Variants in ADARB2 observed in about 807,000 individuals in gnomAD.
ADARB2 encodes inactive double-stranded RNA-specific editase B2.
Under a neutral mutation model 62.2 loss-of-function variants are expected in ADARB2, and 25 were observed. The observed-to-expected ratio is 0.40, with a 90% CI of 0.29 to 0.56. The LOEUF is 0.56. Ranked by LOEUF, ADARB2 falls within the 20% of genes least tolerant of loss-of-function variation. The pLI is 0.43. For missense variants in ADARB2, 1,071 were observed against 1,077.4 expected (o/e 0.99, Z 0.08); for synonymous variants, 572 against 500.8 (o/e 1.14, Z -1.90).
intron 1 of ADARB2, among the ~76,000 whole-genome samples, chr10:1,505,513 A>G (rs1408027458): frequency 6.6e-6 from 1 of 152,046 alleles, no homozygotes; most frequent in Non-Finnish European, 1.5e-5. Flanking sequence ...ATCCACACAC[A>G]TCTTCCCTCG....
chr10:1,546,241 G>A (rs1832517358), intron 1 of ADARB2, among the ~76,000 whole-genome samples: 1 of 152,204 alleles, frequency 6.6e-6, no homozygotes, highest in Non-Finnish European at 1.5e-5. Context: ...TTGAGACTGA[G>A]CTCTCCTCTC....
chr10:1,310,670 C>T (rs372535301), intron 3 of ADARB2, among the ~76,000 whole-genome samples: 14 of 152,184 alleles, frequency 9.2e-5, no homozygotes, highest in East Asian at 7.7e-4. Context: ...TAGGTCCTCA[C>T]GGTACCTCTG....
chr10:1,407,312 CA>C (rs1171655546), intron 1 of ADARB2, among the ~76,000 whole-genome samples: 1 of 152,186 alleles, frequency 6.6e-6, no homozygotes, highest in African/African-American at 2.4e-5. Flanking sequence ...CTGTCTTCTA[CA>C]AGTGCCATTG....
intron 1 of ADARB2, among the ~76,000 whole-genome samples, chr10:1,489,047 G>T (rs1454337612): frequency 6.6e-6 from 1 of 152,264 alleles, no homozygotes; most frequent in Non-Finnish European, 1.5e-5. Context: ...AAGCGCGACT[G>T]CGCACCTCGG....
intron 1 of ADARB2, among the ~76,000 whole-genome samples, chr10:1,548,508 TCA>T (rs1777069463): frequency 6.6e-6 from 1 of 152,194 alleles, no homozygotes; most frequent in South Asian, 2.1e-4. Context: ...AAACTAAGTT[TCA>T]CAGACTTTGA....
intron 3 of ADARB2, among the ~76,000 whole-genome samples, chr10:1,333,675 ATGATT>A (rs1831948796): frequency 6.6e-6 from 1 of 152,206 alleles, no homozygotes; most frequent in African/African-American, 2.4e-5. Flanking sequence ...AGAGACGATG[ATGATT>A]TATCAACTGC....
chr10:1,280,221 C>G (rs916059623), intron 3 of ADARB2, among the ~76,000 whole-genome samples: 1 of 152,192 alleles, frequency 6.6e-6, no homozygotes, highest in Admixed American at 6.5e-5. Flanking sequence ...TACAGCCACA[C>G]TGGGAATTAG....
intron 1 of ADARB2, among the ~76,000 whole-genome samples, chr10:1,690,540 G>T (rs1447315319): frequency 1.3e-5 from 2 of 152,196 alleles, no homozygotes; most frequent in Non-Finnish European, 2.9e-5. Context: ...CTCGTTGCCA[G>T]TCCTTCTACA....
At position 1,468,501 on chromosome 10, in the gene ADARB2, G is replaced by A. The variant is rs192103945; in HGVS notation, c.101-89341C>T. On this transcript the variant is annotated intron_variant, in intron 1 of 9. Transcript: ENST00000381312. ...GATCCGGCTGTGGTGCAGCTTCGTG[G>A]CTATCTCACAGGTCACAGTGTTATT... is the stretch of plus-strand genomic sequence containing the variant. Among the ~76,000 whole-genome samples the A allele has an allele frequency of 1.1e-4, 16 of 152,330 alleles. No homozygotes were observed. In the East Asian group the frequency reaches 3.1e-3, roughly 29 times the overall value.
intron 4 of ADARB2, among the ~76,000 whole-genome samples, chr10:1,251,774 T>TA (rs1288078207): frequency 2.0e-5 from 3 of 152,072 alleles, no homozygotes; most frequent in African/African-American, 7.2e-5. Flanking sequence ...CATGAATGGA[T>TA]TAATACCCCT....
intron 1 of ADARB2, among the ~76,000 whole-genome samples, chr10:1,652,393 C>G (rs1834121698): frequency 6.6e-6 from 1 of 152,192 alleles, no homozygotes; most frequent in South Asian, 2.1e-4. Flanking sequence ...GCTGCCAGCT[C>G]CCGGGAAGAC....
intron 1 of ADARB2, among the ~76,000 whole-genome samples, chr10:1,621,605 G>A (rs966846441): frequency 6.6e-6 from 1 of 152,072 alleles, no homozygotes; most frequent in African/African-American, 2.4e-5. Flanking sequence ...TTGTAGAGAT[G>A]AGTTTTCACT....
intron 2 of ADARB2, among the ~76,000 whole-genome samples, chr10:1,374,598 G>T (rs1171082380): frequency 6.6e-6 from 1 of 152,184 alleles, no homozygotes; most frequent in Admixed American, 6.5e-5. Context: ...GGCCAGGCCG[G>T]GTGGGTCTGC....
At chr10:1,379,962 G>A (rs1832467543) in intron 1 of ADARB2, among the ~76,000 whole-genome samples, 1 of 152,228 alleles carries the variant, frequency 6.6e-6, no homozygotes, top group Non-Finnish European at 1.5e-5. Flanking sequence ...TTAAGGAATG[G>A]TGGGTTTGAG....
At chr10:1,307,626 C>T (rs1831641964) in intron 3 of ADARB2, among the ~76,000 whole-genome samples, 1 of 139,432 alleles carries the variant, frequency 7.2e-6, no homozygotes, top group South Asian at 2.6e-4. Context: ...AAGACACCTG[C>T]ACACGTATGT....
At chr10:1,506,311 A>C (rs890643949) in intron 1 of ADARB2, among the ~76,000 whole-genome samples, 1 of 152,086 alleles carries the variant, frequency 6.6e-6, no homozygotes, top group Non-Finnish European at 1.5e-5. Flanking sequence ...TTCTGCCCAT[A>C]ATATTTATTA....
intron 6 of ADARB2, among the ~76,000 whole-genome samples, chr10:1,230,106 G>A (rs956241730): frequency 6.6e-6 from 1 of 151,932 alleles, no homozygotes; most frequent in African/African-American, 2.4e-5. Flanking sequence ...AGTCTCCTTC[G>A]GTTTCAGATG....
intron 1 of ADARB2, among the ~76,000 whole-genome samples, chr10:1,609,545 C>T (rs1284027295): frequency 6.6e-6 from 1 of 152,260 alleles, no homozygotes; most frequent in Non-Finnish European, 1.5e-5. Context: ...TATGAGAAAC[C>T]TTCGGTCCTA....
chr10:1,281,257 G>C (rs1253162405), intron 3 of ADARB2, among the ~76,000 whole-genome samples: 2 of 152,222 alleles, frequency 1.3e-5, no homozygotes, highest in East Asian at 1.9e-4. Context: ...CTGGAGGCAG[G>C]TCTTGAGCAT....
Sources: gnomAD v4.1 joint callset for allele counts (sites outside exome capture counted in the v4.1 genomes callset) on GRCh38, gnomAD v4.1.1 for gene constraint, MANE v1.5 for transcripts, NCBI Gene and HGNC (gene_info 2026-07-23, HGNC 2026-07-21) for gene names.